Variants in MTDH observed in about 807,000 individuals in gnomAD.
The protein encoded by MTDH is protein LYRIC.
In MTDH, 34 loss-of-function variants were observed where a neutral mutation model predicts 72.7. The ratio of observed to expected loss-of-function variants is 0.47; its 90% CI spans 0.36 to 0.62. The LOEUF (loss-of-function observed/expected upper bound fraction) is 0.62. MTDH is among the 20% of genes least tolerant of loss of function. The probability of loss-of-function intolerance (pLI) is 0.00; values close to 1 mark genes in which losing one functional copy is unlikely to be tolerated. For synonymous variants in MTDH, 266 were observed against 268.9 expected (o/e 0.99, Z 0.10); for missense variants, 677 against 699.4 (o/e 0.97, Z 0.36).
At position 97,684,180 on chromosome 8, in the gene MTDH, G is replaced by A. The variant is rs149379816; in HGVS notation, c.484-2488G>A. 5.4e-3 allele frequency among the ~76,000 whole-genome samples: 811 copies of A among 149,844 alleles called. 6 individuals carry two copies. The highest frequency in any genetic ancestry group is 0.018 in the African/African-American group (718 of 40,926). On this transcript the variant is annotated intron_variant, in intron 2 of 11. Transcript: ENST00000336273. Reference sequence around the variant, plus strand: ...ACGACTAGTCCAAATTGAGATTGCTGTTAAGTGTAAAATACATGCCAGATT... The same window carrying A: ...ACGACTAGTCCAAATTGAGATTGCTATTAAGTGTAAAATACATGCCAGATT...
At chr8:97,715,724 C>G (rs530687385) in intron 9 of MTDH, among the ~76,000 whole-genome samples, 4 of 152,212 alleles carry the variant, frequency 2.6e-5, no homozygotes, top group South Asian at 2.1e-4. Context: ...CCATTTTAGC[C>G]AAGTTTTTCT....
At chr8:97,707,449 C>CTTTTTTTTTTT (rs35528230) in intron 8 of MTDH, among the ~76,000 whole-genome samples, 3 of 80,216 alleles carry the variant, frequency 3.7e-5, no homozygotes, top group African/African-American at 6.5e-5. Flanking sequence ...CATGCCTGGC[C>CTTTTTTTTTTT]TTTTTTTTTT....
chr8:97,671,973 A>G (rs953544663), intron 2 of MTDH, among the ~76,000 whole-genome samples: 4 of 152,208 alleles, frequency 2.6e-5, no homozygotes, highest in Non-Finnish European at 5.9e-5. Context: ...AAAACAAAAT[A>G]ATTTTGAGGT....
intron 2 of MTDH, among the ~76,000 whole-genome samples, chr8:97,681,050 A>T (rs2130983254): frequency 6.6e-6 from 1 of 152,260 alleles, no homozygotes; most frequent in Admixed American, 6.5e-5. Context: ...ATGCAAGATT[A>T]TATGTATTTA....
chr8:97,696,018 A>G (rs1480432714), intron 6 of MTDH, among the ~76,000 whole-genome samples: 1 of 152,206 alleles, frequency 6.6e-6, no homozygotes, highest in African/African-American at 2.4e-5. Context: ...TTCTGTAAGG[A>G]TTAGAAGTGG....
In MTDH at chr8:97,724,846, T is replaced by G. The variant is rs752707673; in HGVS notation, c.*176T>G. The G allele has an allele frequency of 2.2e-5, 11 of 499,016 alleles. No individual in the cohort carries two copies. Among genetic ancestry groups the G allele is most frequent in the Admixed American group, 1.2e-4 (3 of 25,838 alleles). 30.9% of individuals were successfully genotyped at this position (499,016 alleles called of 1,614,324 possible). A position where few individuals can be genotyped will look rare whatever the true frequency, so the allele number is the denominator to read the frequency against. The stretch of plus-strand genomic sequence containing the variant: ...TCAAAAGAAAGTTAATTTATGAAAT[T>G]AAGAGGTCAGCAGAATATACTCAGT... On this transcript the variant is annotated 3_prime_UTR_variant, in exon 12 of 12. Transcript: ENST00000336273.
intron 2 of MTDH, among the ~76,000 whole-genome samples, chr8:97,675,944 T>G (rs61143610): frequency 1.9e-5 from 2 of 103,762 alleles, no homozygotes; most frequent in Non-Finnish European, 3.8e-5. Flanking sequence ...AATAGGTTTT[T>G]TTTTTTTTTT....
rs143110795 is a variant in MTDH at position 97,691,362 on chromosome 8, A to G, written c.1048+174A>G. Among the ~76,000 whole-genome samples, 825 of 152,344 alleles carry G rather than the reference A, an allele frequency of 5.4e-3. 28 individuals carry two copies. Among genetic ancestry groups the G allele is most frequent in the Admixed American group, 0.048 (741 of 15,302 alleles). On this transcript the variant is annotated intron_variant, in intron 6 of 11. Transcript: ENST00000336273. The stretch of plus-strand genomic sequence containing the variant: ...TTTTGTAGAGCAAGGTGGGAATTAA[A>G]TAAGTAAATAACATCATTTACTCTT...
intron 6 of MTDH, among the ~76,000 whole-genome samples, chr8:97,698,988 T>A (rs1449502661): frequency 1.3e-5 from 2 of 151,256 alleles, no homozygotes; most frequent in African/African-American, 4.9e-5. Context: ...AAAAATTTTT[T>A]AAAAATAAGC....
chr8:97,685,312 A>G (rs1813315774), intron 2 of MTDH, among the ~76,000 whole-genome samples: 1 of 152,224 alleles, frequency 6.6e-6, no homozygotes, highest in African/African-American at 2.4e-5. Flanking sequence ...CAGCAAAATG[A>G]ACAATGCAAA....
intron 2 of MTDH, among the ~76,000 whole-genome samples, chr8:97,671,049 T>C (rs551063681): frequency 0.017 from 2,309 of 137,464 alleles, 35 homozygotes; most frequent in South Asian, 0.048. Flanking sequence ...CACTGCAAGC[T>C]CCGCTTCCCG....
At position 97,729,348 on chromosome 8, in the gene MTDH, T is replaced by TA. The variant is rs1176031420; in HGVS notation, c.*4679dup. On this transcript the variant is annotated 3_prime_UTR_variant, in exon 12 of 12. Coordinates refer to ENST00000336273, the MANE Select transcript of MTDH (RefSeq NM_178812.4). ...ACCCCCAAGAACACTTCTTGGAAGTTACACACAATACATAAACTTCAATTT... is the reference window on the plus strand; with the variant it reads ...ACCCCCAAGAACACTTCTTGGAAGTTAACACACAATACATAAACTTCAATTT... Among the ~76,000 whole-genome samples the TA allele has an allele frequency of 3.9e-5, 6 of 152,164 alleles. No individual in the cohort carries two copies. The highest frequency in any genetic ancestry group is 1.4e-4 in the African/African-American group (6 of 41,448).
intron 6 of MTDH, among the ~76,000 whole-genome samples, chr8:97,693,327 C>CTTT (rs563245174): frequency 8.6e-4 from 130 of 152,020 alleles, no homozygotes; most frequent in African/African-American, 2.9e-3. Flanking sequence ...TTGGTCATTT[C>CTTT]TTTTTTTGTT....
intron 2 of MTDH, among the ~76,000 whole-genome samples, chr8:97,673,625 A>G (rs972454582): frequency 4.2e-5 from 6 of 143,960 alleles, no homozygotes; most frequent in Admixed American, 2.9e-4. Context: ...GCGCTGTTGC[A>G]CTCCAGCCTG....
rs185744636 is a variant in MTDH at position 97,697,701 on chromosome 8, C to G, written c.1049-2053C>G. Reference sequence around the variant, plus strand: ...CACCTGGCCTGATTTTTTTTTTAACCATTTAAAAATGTAAGAACTATTCTT... The same window carrying G: ...CACCTGGCCTGATTTTTTTTTTAACGATTTAAAAATGTAAGAACTATTCTT... On this transcript the variant is annotated intron_variant, in intron 6 of 11. Transcript: ENST00000336273. 2.4e-3 allele frequency among the ~76,000 whole-genome samples: 372 copies of G among 151,968 alleles called. 1 individual carries two copies. The highest frequency in any genetic ancestry group is 8.5e-3 in the African/African-American group (353 of 41,488).
At chr8:97,670,816 G>A (rs1282081223) in intron 2 of MTDH, among the ~76,000 whole-genome samples, 5 of 151,968 alleles carry the variant, frequency 3.3e-5, no homozygotes, top group Non-Finnish European at 5.9e-5. Flanking sequence ...GAGTGCAATG[G>A]TGCAATCTCG....
At chr8:97,696,822 A>T (rs1813851135) in intron 6 of MTDH, among the ~76,000 whole-genome samples, 1 of 152,008 alleles carries the variant, frequency 6.6e-6, no homozygotes, top group African/African-American at 2.4e-5. Flanking sequence ...AACAAATATT[A>T]CATAAATATG....
In MTDH at chr8:97,722,949, A is replaced by C. The variant is rs1476939172; in HGVS notation, c.1592A>C (p.Lys531Thr). The change falls in exon 11 of 12, where the codon AAG (lysine) becomes ACG (threonine). Residue 531 changes from lysine to threonine, a missense_variant. Physicochemically the swap from Lys to Thr is moderately conservative, Grantham distance 78. This residue lies in a region of MTDH where 201 missense variants were observed against 204.5 expected (regional missense o/e 0.98). Transcript: ENST00000336273. Reference sequence around the variant, plus strand: ...ATCTTATCAAAAAGTGATTCTGACAAGAGCTCTTCCCAAGTGCCGCCAATA... The same window carrying C: ...ATCTTATCAAAAAGTGATTCTGACACGAGCTCTTCCCAAGTGCCGCCAATA... The part of the protein sequence containing the change: ...SVILSKSDSD[K>T]SSSQVPPILQ... 1 of 1,614,040 alleles carries C rather than the reference A, an allele frequency of 6.2e-7. No homozygotes were observed. The highest frequency in any genetic ancestry group is 8.5e-7 in the Non-Finnish European group (1 of 1,180,012).
Position 97,699,800 on chromosome 8 carries a change from G to A in MTDH, c.1095G>A (p.Gln365=), listed in dbSNP as rs758732810. Residue 365 remains glutamine, a synonymous_variant, in exon 7 of 12, where the codon CAG becomes CAA. Coordinates refer to ENST00000336273, the MANE Select transcript of MTDH (RefSeq NM_178812.4). ...CTCAGTCTACCACTTCTGATTATCA[G>A]TGGGATGTTAGCCGTAATCAACCCT... ...PVSQSTTSDY[Q]WDVSRNQPYI... The A allele has an allele frequency of 6.2e-6, 10 of 1,613,472 alleles. No individual in the cohort carries two copies. The highest frequency in any genetic ancestry group is 7.6e-6 in the Non-Finnish European group (9 of 1,179,578).
Sources: allele counts gnomAD v4.1 joint callset (sites outside exome capture counted in the v4.1 genomes callset), GRCh38; gene constraint gnomAD v4.1.1; regional missense constraint gnomAD v4.1.1; transcripts MANE v1.5; gene names NCBI Gene and HGNC (gene_info 2026-07-23, HGNC 2026-07-21).